The following ODAD2 variants were observed in gnomAD, a reference collection of about 807,000 sequenced individuals.
ODAD2 encodes outer dynein arm-docking complex subunit 2.
In ODAD2, 89 loss-of-function variants were observed where a neutral mutation model predicts 106.8. The ratio of observed to expected loss-of-function variants is 0.83; its 90% CI spans 0.70 to 0.99. The LOEUF (loss-of-function observed/expected upper bound fraction) is 0.99, where lower values mean the gene tolerates loss of function less well. ODAD2 is among the 50% of genes least tolerant of loss of function. The probability of loss-of-function intolerance (pLI) is 0.00; values close to 1 mark genes in which losing one functional copy is unlikely to be tolerated. For synonymous variants in ODAD2, 404 were observed against 436.2 expected (o/e 0.93, Z 0.92); for missense variants, 1,168 against 1,238.5 (o/e 0.94, Z 0.85).
chr10:27,995,231 G>A (rs191068029), intron 1 of ODAD2, 51 bp from the exon 2 acceptor site: 6 of 1,518,218 alleles, frequency 4.0e-6, no homozygotes, highest in Non-Finnish European at 5.3e-6. Flanking sequence ...CTTTTCCTTG[G>A]AACATTTTTC....
intron 2 of ODAD2, among the ~76,000 whole-genome samples, chr10:27,994,527 T>C (rs1850432759): frequency 6.6e-6 from 1 of 152,060 alleles, no homozygotes; most frequent in South Asian, 2.1e-4. Flanking sequence ...GCCAGGAATT[T>C]GAGACCACCC....
chr10:27,937,121 C>T (rs1846041652), intron 14 of ODAD2, among the ~76,000 whole-genome samples: 1 of 152,082 alleles, frequency 6.6e-6, no homozygotes, highest in Non-Finnish European at 1.5e-5. Flanking sequence ...TTCTCCCAAG[C>T]CAGTTTTGAG....
intron 19 of ODAD2, among the ~76,000 whole-genome samples, chr10:27,813,935 A>G (rs577276506): frequency 1.7e-3 from 259 of 152,334 alleles, no homozygotes; most frequent in Non-Finnish European, 2.2e-3. Flanking sequence ...TAACTCTTCA[A>G]TAAATGGCCC....
chr10:27,932,977 T>C (rs555295249), intron 16 of ODAD2, among the ~76,000 whole-genome samples: 2 of 152,172 alleles, frequency 1.3e-5, no homozygotes, highest in East Asian at 3.9e-4. Flanking sequence ...AATAAGGAGC[T>C]GGGTGTGGTG....
intron 16 of ODAD2, among the ~76,000 whole-genome samples, chr10:27,912,745 A>C (rs1397800717): frequency 6.6e-6 from 1 of 152,244 alleles, no homozygotes; most frequent in Non-Finnish European, 1.5e-5. Flanking sequence ...TGACGTTCTT[A>C]AACCACAACA....
chr10:27,919,752 G>A (rs1844641305), intron 16 of ODAD2, among the ~76,000 whole-genome samples: 1 of 152,060 alleles, frequency 6.6e-6, no homozygotes, highest in Non-Finnish European at 1.5e-5. Context: ...ACTCTGTGAT[G>A]ACTCAGAAAT....
chr10:27,825,287 T>C (rs998549028), intron 19 of ODAD2, among the ~76,000 whole-genome samples: 1 of 152,206 alleles, frequency 6.6e-6, no homozygotes, highest in African/African-American at 2.4e-5. Flanking sequence ...AAGTTCTCAA[T>C]ACGCAAAAAG....
chr10:27,994,031 A>G (rs1323014011), intron 2 of ODAD2, among the ~76,000 whole-genome samples: 1 of 150,030 alleles, frequency 6.7e-6, no homozygotes, highest in Non-Finnish European at 1.5e-5. Flanking sequence ...TACTTATTGT[A>G]TAATTATAAT....
chr10:27,873,126 T>C (rs2133460714), intron 17 of ODAD2, among the ~76,000 whole-genome samples: 1 of 151,262 alleles, frequency 6.6e-6, no homozygotes, highest in Admixed American at 6.6e-5. Context: ...CTTCTAGATT[T>C]TCTAGTTTAT....
intron 19 of ODAD2, among the ~76,000 whole-genome samples, chr10:27,857,170 C>T (rs972228695): frequency 1.3e-5 from 2 of 152,160 alleles, no homozygotes; most frequent in African/African-American, 4.8e-5. Flanking sequence ...TCCTCCTCCT[C>T]TTCAGCCTAC....
In ODAD2 at chr10:27,819,103, G is replaced by A. The variant is rs1024237189; in HGVS notation, c.3022-6478C>T. Among the ~76,000 whole-genome samples, 10 of 151,990 alleles carry A rather than the reference G, an allele frequency of 6.6e-5. No homozygotes were observed. In the East Asian group the frequency reaches 9.6e-4, roughly 15 times the overall value. On this transcript the variant is annotated intron_variant, in intron 19 of 19. Transcript: ENST00000305242. ...ATTCACAGTCTCTTCCTTTCTTTAC[G>A]TCCTTTGATCTTTCCCCTTCCTATT... is the stretch of plus-strand genomic sequence containing the variant.
At chr10:27,947,380 G>T (rs1041448594) in intron 10 of ODAD2, among the ~76,000 whole-genome samples, 1 of 152,084 alleles carries the variant, frequency 6.6e-6, no homozygotes, top group Non-Finnish European at 1.5e-5. Context: ...TAGAAGGATC[G>T]CTTGAGCCTG....
chr10:27,937,339 C>CTTT (rs57375404), intron 14 of ODAD2, among the ~76,000 whole-genome samples: 7 of 132,756 alleles, frequency 5.3e-5, no homozygotes, highest in Non-Finnish European at 9.6e-5. Context: ...TTTCTTTTTT[C>CTTT]TTTTTTTTTT....
At chr10:27,919,690 G>A (rs576680808) in intron 16 of ODAD2, among the ~76,000 whole-genome samples, 7 of 152,098 alleles carry the variant, frequency 4.6e-5, no homozygotes, top group South Asian at 2.1e-4. Flanking sequence ...GTGTAAAATC[G>A]TACAATCACT....
intron 17 of ODAD2, among the ~76,000 whole-genome samples, chr10:27,864,276 T>C (rs184182813): frequency 8.4e-4 from 126 of 150,878 alleles, no homozygotes; most frequent in Admixed American, 3.8e-3. Context: ...TTGGAAGAGC[T>C]GGGTTTGGTT....
intron 17 of ODAD2, among the ~76,000 whole-genome samples, chr10:27,878,828 TG>T (rs764745966): frequency 4.5e-4 from 69 of 152,304 alleles, no homozygotes; most frequent in Admixed American, 1.6e-3. Flanking sequence ...ATCCTTGTTC[TG>T]TTCCCAGTTG....
In ODAD2 at chr10:27,907,725, G is replaced by C. The variant is rs1843700036; in HGVS notation, c.2548C>G (p.Pro850Ala). 6.2e-7 allele frequency: 1 copy of C among 1,613,884 alleles called. No homozygotes were observed. The highest frequency in any genetic ancestry group is 8.5e-7 in the Non-Finnish European group (1 of 1,179,876). Residue 850 changes from proline (P) to alanine (A), a missense_variant, in exon 17 of 20, where the codon CCT becomes GCT. This residue lies in a region of ODAD2 where 701 missense variants were observed against 712.3 expected (regional missense o/e 0.98). Transcript: ENST00000305242. ...GCGCTGGCCTTCACGTCTGGGTGAG[G>C]ATTTTTCAGCAGGGACCACAACAAA... Reference protein sequence around the residue: ...VRLLWSLLKNPHPDVKASAAW... With the variant: ...VRLLWSLLKNAHPDVKASAAW...
chr10:27,929,185 A>G (rs1845449662), intron 16 of ODAD2, among the ~76,000 whole-genome samples: 1 of 152,180 alleles, frequency 6.6e-6, no homozygotes, highest in Non-Finnish European at 1.5e-5. Flanking sequence ...AACAATCATT[A>G]GCTGCTTAGG....
At chr10:27,945,300 C>T (rs1846820218) in intron 10 of ODAD2, among the ~76,000 whole-genome samples, 1 of 152,148 alleles carries the variant, frequency 6.6e-6, no homozygotes, top group African/African-American at 2.4e-5. Context: ...AGTTCTTGAA[C>T]AGGGTATTGC....
Sources: allele counts gnomAD v4.1 joint callset (sites outside exome capture counted in the v4.1 genomes callset), GRCh38; gene constraint gnomAD v4.1.1; regional missense constraint gnomAD v4.1.1; transcripts MANE v1.5; gene names NCBI Gene and HGNC (gene_info 2026-07-23, HGNC 2026-07-21).